TTC39B: variants seen among roughly 807,000 people sequenced by gnomAD.
TTC39B encodes the protein tetratricopeptide repeat domain 39B.
TTC39B carries 92 observed loss-of-function variants against 96.6 expected under a neutral mutation model. That is an observed-to-expected ratio of 0.95 (90% CI 0.80 to 1.13). The LOEUF (loss-of-function observed/expected upper bound fraction) is 1.13, where lower values mean the gene tolerates loss of function less well. Among genes scored for constraint, TTC39B ranks in the 50% most tolerant of loss-of-function variants. TTC39B has a pLI of 0.00. For missense variants in TTC39B, 955 were observed against 809.3 expected, an observed-to-expected ratio of 1.18 and a Z score of -2.18; for synonymous variants, 367 against 299.4, an observed-to-expected ratio of 1.23 and a Z score of -2.33.
exon 17 of TTC39B, chr9:15,182,378 C>T (rs1265354810): frequency 6.2e-7 from 1 of 1,611,774 alleles, no homozygotes. Flanking sequence ...TTTTCTTTTG[C>T]TCACTATTGA....
chr9:15,302,715 G>A (rs979226595), intron 1 of TTC39B, among the ~76,000 whole-genome samples: 1 of 151,620 alleles, frequency 6.6e-6, no homozygotes, highest in Non-Finnish European at 1.5e-5. Context: ...ATGGTGTTGG[G>A]CGCCTGTAAT....
intron 2 of TTC39B, among the ~76,000 whole-genome samples, chr9:15,259,405 T>G (rs1258005418): frequency 6.6e-6 from 1 of 152,200 alleles, no homozygotes; most frequent in East Asian, 1.9e-4. Flanking sequence ...TAAAGGGCAT[T>G]AAAAAGTTAA....
chr9:15,205,603 A>G, intron 6 of TTC39B, among the ~76,000 whole-genome samples: 1 of 152,214 alleles, frequency 6.6e-6, no homozygotes, highest in East Asian at 1.9e-4. Flanking sequence ...GTCCTTCAGA[A>G]CACCTCTCCT....
In TTC39B at chr9:15,192,435, A is replaced by G. The variant is rs148159613; in HGVS notation, c.930+155T>C. Among the ~76,000 whole-genome samples, 7 of 152,362 alleles carry G rather than the reference A, an allele frequency of 4.6e-5. No homozygotes were observed. In the East Asian group the frequency reaches 1.3e-3, roughly 29 times the overall value. ...GAGCATGTGTGGAACTTTATAACAC[A>G]CTGGGTCACAATGCCAGAAAACTGA... is the stretch of plus-strand genomic sequence containing the variant. On this transcript the variant is annotated intron_variant, in intron 9 of 19. Coordinates refer to ENST00000512701, the Ensembl canonical transcript of TTC39B.
intron 4 of TTC39B, among the ~76,000 whole-genome samples, chr9:15,212,274 G>C (rs752343878): frequency 3.3e-5 from 5 of 151,734 alleles, no homozygotes; most frequent in African/African-American, 4.8e-5. Flanking sequence ...TGAACATTGA[G>C]GGCACTATCT....
chr9:15,288,663 C>A (rs1475571605), intron 1 of TTC39B, among the ~76,000 whole-genome samples: 1 of 152,220 alleles, frequency 6.6e-6, no homozygotes, highest in Non-Finnish European at 1.5e-5. Context: ...GGCCTGGGTA[C>A]CAAGAGGACA....
chr9:15,243,884 G>T (rs1207197230), intron 2 of TTC39B, among the ~76,000 whole-genome samples: 2 of 152,198 alleles, frequency 1.3e-5, no homozygotes, highest in African/African-American at 2.4e-5. Flanking sequence ...TGTCGCCCAG[G>T]CTGGAGTCTC....
exon 20 of TTC39B, chr9:15,169,985 C>G (rs1248559149): frequency 1.3e-5 from 2 of 152,046 alleles, no homozygotes; most frequent in Non-Finnish European, 2.9e-5. Flanking sequence ...TGTGAGTGTG[C>G]GCTTTCAAAA....
At chr9:15,305,244 G>A (rs927112749) in intron 1 of TTC39B, among the ~76,000 whole-genome samples, 11 of 152,074 alleles carry the variant, frequency 7.2e-5, no homozygotes, top group Non-Finnish European at 1.5e-4. Flanking sequence ...TAGAGTTCTT[G>A]TACCCAGGTC....
intron 15 of TTC39B, 125 bp from the exon 16 acceptor site, chr9:15,185,531 A>G (rs1048006127): frequency 5.5e-6 from 8 of 1,458,920 alleles, no homozygotes; most frequent in Middle Eastern, 2.0e-4. Flanking sequence ...CTGGGAACCT[A>G]TTTGAAATGC....
At chr9:15,178,409 C>G (rs977562085) in intron 17 of TTC39B, among the ~76,000 whole-genome samples, 1 of 151,504 alleles carries the variant, frequency 6.6e-6, no homozygotes, top group African/African-American at 2.4e-5. Context: ...CCCGTCTCTA[C>G]AAAAAAAAAT....
intron 9 of TTC39B, among the ~76,000 whole-genome samples, chr9:15,192,070 C>A (rs578238069): frequency 6.6e-6 from 1 of 152,270 alleles, no homozygotes; most frequent in Non-Finnish European, 1.5e-5. Flanking sequence ...GCAAAGTGGC[C>A]ATAGTGGCAC....
At chr9:15,287,498 G>C (rs1436840140) in intron 1 of TTC39B, among the ~76,000 whole-genome samples, 1 of 152,166 alleles carries the variant, frequency 6.6e-6, no homozygotes, top group Non-Finnish European at 1.5e-5. Flanking sequence ...CATGTCACAT[G>C]TCCCTCTGTC....
intron 3 of TTC39B, among the ~76,000 whole-genome samples, chr9:15,216,832 T>G (rs1449347119): frequency 1.3e-5 from 2 of 152,160 alleles, no homozygotes; most frequent in African/African-American, 4.8e-5. Flanking sequence ...CTCAAAGAGC[T>G]TTCATTCTAC....
intron 17 of TTC39B, among the ~76,000 whole-genome samples, chr9:15,178,135 CT>C (rs1483726324): frequency 6.6e-6 from 1 of 152,086 alleles, no homozygotes; most frequent in African/African-American, 2.4e-5. Flanking sequence ...TCCCAGAGTG[CT>C]GGGATTACAG....
intron 2 of TTC39B, among the ~76,000 whole-genome samples, chr9:15,234,544 T>G (rs1450719212): frequency 1.3e-5 from 2 of 151,984 alleles, no homozygotes. Flanking sequence ...AACAGCTCAT[T>G]GAGAACGGGC....
At position 15,190,027 on chromosome 9, in the gene TTC39B, C is replaced by T. The variant is rs975716598; in HGVS notation, c.1106-235G>A. ...AGAATGCAGGTGGCTGTCTCAGATT[C>T]CTAATTGGAATTTCTGGTTTTAACA... On this transcript the variant is annotated intron_variant, in intron 11 of 19. Transcript: ENST00000512701. Among the ~76,000 whole-genome samples, 8 of 152,256 alleles carry T rather than the reference C, an allele frequency of 5.3e-5. No individual in the cohort carries two copies. The South Asian group carries it at 1.7e-3, about 32-fold the overall frequency.
intron 8 of TTC39B, among the ~76,000 whole-genome samples, chr9:15,194,758 T>A (rs983954427): frequency 5.3e-5 from 8 of 152,222 alleles, no homozygotes; most frequent in Non-Finnish European, 5.9e-5. Context: ...ATCTTAAATG[T>A]TACTATTACA....
chr9:15,216,047 C>A (rs1010231357), intron 3 of TTC39B, among the ~76,000 whole-genome samples: 2 of 152,156 alleles, frequency 1.3e-5, no homozygotes, highest in Non-Finnish European at 2.9e-5. Flanking sequence ...ACCCCTCTCT[C>A]CTCGCAGGTC....
Sources: allele counts gnomAD v4.1 joint callset (sites outside exome capture counted in the v4.1 genomes callset), GRCh38; gene constraint gnomAD v4.1.1; transcripts MANE v1.5; gene names NCBI Gene and HGNC (gene_info 2026-07-23, HGNC 2026-07-21).